KIRREL3: variants seen among roughly 807,000 people sequenced by gnomAD.
KIRREL3 encodes the protein kirre like nephrin family adhesion molecule 3, also known as kin of IRRE-like protein 3.
KIRREL3 carries 36 observed loss-of-function variants against 89.7 expected under a neutral mutation model. The ratio of observed to expected loss-of-function variants is 0.40; its 90% CI spans 0.31 to 0.53. The LOEUF (loss-of-function observed/expected upper bound fraction) is 0.53. KIRREL3 is among the 20% of genes least tolerant of loss of function. The pLI is 0.49. For synonymous variants in KIRREL3, 445 were observed against 441.4 expected (o/e 1.01, Z -0.10); for missense variants, 864 against 1,056.6 (o/e 0.82, Z 2.53).
At chr11:126,603,736 G>A (rs1942764413) in intron 1 of KIRREL3, among the ~76,000 whole-genome samples, 1 of 152,262 alleles carries the variant, frequency 6.6e-6, no homozygotes, top group East Asian at 1.9e-4. Context: ...CTGGGCAGGT[G>A]TGCTGGGGCT....
chr11:126,630,493 T>C (rs1054748677), intron 1 of KIRREL3, among the ~76,000 whole-genome samples: 1 of 152,228 alleles, frequency 6.6e-6, no homozygotes, highest in African/African-American at 2.4e-5. Flanking sequence ...AGACCTGGCT[T>C]CAAGGATCTT....
intron 1 of KIRREL3, among the ~76,000 whole-genome samples, chr11:126,731,103 G>A (rs1318170018): frequency 1.3e-5 from 2 of 152,154 alleles, no homozygotes; most frequent in Non-Finnish European, 2.9e-5. Flanking sequence ...CACTCTCTTT[G>A]CTGCCTCCTG....
intron 1 of KIRREL3, among the ~76,000 whole-genome samples, chr11:126,857,724 T>A (rs1342793927): frequency 7.0e-6 from 1 of 142,070 alleles, no homozygotes; most frequent in African/African-American, 2.6e-5. Flanking sequence ...CACAGACCCT[T>A]CCTTGCCTGA....
intron 1 of KIRREL3, among the ~76,000 whole-genome samples, chr11:126,818,617 TAG>T (rs1565323975): frequency 2.7e-4 from 18 of 67,850 alleles, no homozygotes; most frequent in African/African-American, 6.0e-4. Context: ...GTAGTAGTAG[TAG>T]TAGTAGTGTG....
intron 1 of KIRREL3, among the ~76,000 whole-genome samples, chr11:126,800,946 T>A (rs917963728): frequency 6.6e-6 from 1 of 152,016 alleles, no homozygotes; most frequent in Non-Finnish European, 1.5e-5. Context: ...CTGTTGGAGG[T>A]TGGTGAGGGA....
chr11:126,968,784 C>G (rs1193302773), intron 1 of KIRREL3, among the ~76,000 whole-genome samples: 1 of 152,132 alleles, frequency 6.6e-6, no homozygotes, highest in Non-Finnish European at 1.5e-5. Context: ...AAATCAGGAA[C>G]TCTACAGGAT....
At chr11:126,465,783 C>G (rs541958623) in intron 5 of KIRREL3, among the ~76,000 whole-genome samples, 1 of 152,272 alleles carries the variant, frequency 6.6e-6, no homozygotes, top group Non-Finnish European at 1.5e-5. Context: ...GAACCCCAAG[C>G]CAAAGCCCGG....
At chr11:126,672,002 C>T (rs2135061112) in intron 1 of KIRREL3, among the ~76,000 whole-genome samples, 1 of 152,326 alleles carries the variant, frequency 6.6e-6, no homozygotes, top group Middle Eastern at 3.4e-3. Flanking sequence ...TACTTGCAAT[C>T]ATCAAAACTG....
At chr11:126,921,816 TCTTCCTGC>T (rs1467808264) in intron 1 of KIRREL3, among the ~76,000 whole-genome samples, 1 of 151,490 alleles carries the variant, frequency 6.6e-6, no homozygotes, top group Non-Finnish European at 1.5e-5. Context: ...CATCCACCTA[TCTTCCTGC>T]CTTCCTATCT....
intron 1 of KIRREL3, among the ~76,000 whole-genome samples, chr11:126,915,848 G>A (rs1273355530): frequency 6.6e-6 from 1 of 152,046 alleles, no homozygotes; most frequent in Non-Finnish European, 1.5e-5. Context: ...TAACAGATCT[G>A]AACCTAGTCT....
intron 1 of KIRREL3, among the ~76,000 whole-genome samples, chr11:126,604,314 TC>T (rs1439757004): frequency 1.3e-5 from 2 of 152,226 alleles, no homozygotes; most frequent in Non-Finnish European, 2.9e-5. Context: ...GGCATTCTGT[TC>T]CTAAGCTAGG....
rs551172114 is a variant in KIRREL3 at position 126,564,196 on chromosome 11, G to A, written c.56-1284C>T. Among the ~76,000 whole-genome samples, 41 of 152,290 alleles carry A rather than the reference G, an allele frequency of 2.7e-4. No homozygotes were observed. The South Asian group carries it at 3.3e-3, about 12-fold the overall frequency. On this transcript the variant is annotated intron_variant, in intron 1 of 16. Coordinates refer to ENST00000525144, the MANE Select transcript of KIRREL3 (RefSeq NM_032531.4). The surrounding 1 kb of genome is among the most constrained non-coding windows in gnomAD (Gnocchi z 7.4). Reference sequence around the variant, plus strand: ...GATGCATCACAGCACCTTCTCCCACGACACCGACTGCCTCCCTGAACCCAG... The same window carrying A: ...GATGCATCACAGCACCTTCTCCCACAACACCGACTGCCTCCCTGAACCCAG...
At chr11:126,804,373 A>G (rs1405007440) in intron 1 of KIRREL3, among the ~76,000 whole-genome samples, 1 of 152,224 alleles carries the variant, frequency 6.6e-6, no homozygotes, top group Non-Finnish European at 1.5e-5. Flanking sequence ...TTTACTTTGT[A>G]CAAATAAGTG....
intron 1 of KIRREL3, among the ~76,000 whole-genome samples, chr11:126,787,235 A>G (rs1438658374): frequency 2.0e-5 from 3 of 152,182 alleles, no homozygotes; most frequent in Non-Finnish European, 2.9e-5. Flanking sequence ...CTCTTCCCCT[A>G]TGGCACAAAT....
At chr11:126,915,215 T>C (rs1946990915) in intron 1 of KIRREL3, among the ~76,000 whole-genome samples, 1 of 152,244 alleles carries the variant, frequency 6.6e-6, no homozygotes, top group Admixed American at 6.5e-5. Context: ...TTCATCAGTA[T>C]GTTTCTGATT....
rs1950370423 is a variant in KIRREL3, at chr11:126,782,855, C to G, written c.55+217600G>C. Among the ~76,000 whole-genome samples, 1 of 152,090 alleles carries G rather than the reference C, an allele frequency of 6.6e-6. No homozygotes were observed. The highest frequency in any genetic ancestry group is 2.4e-5 in the African/African-American group (1 of 41,358). On this transcript the variant is annotated intron_variant, in intron 1 of 16. Transcript: ENST00000525144. This position sits in a 1 kb window ranked among gnomAD's most constrained non-coding sequence, Gnocchi z 4.1. The stretch of plus-strand genomic sequence containing the variant: ...ATCTCCTGAGAAAGCCTACTAGCAA[C>G]AACATTACAGTAGCAACAAGCACAC...
At chr11:127,002,820 A>G (rs1950337758), upstream of KIRREL3, 2 of 152,196 alleles carry the variant, frequency 1.3e-5, no homozygotes, top group African/African-American at 4.8e-5. Context: ...CCCCCGAGGG[A>G]ACTATTACAA....
Position 126,486,246 on chromosome 11 carries a change from AG to A in KIRREL3, c.434-12781del, listed in dbSNP as rs1344595288. On this transcript the variant is annotated intron_variant, in intron 4 of 16. Coordinates refer to ENST00000525144, the MANE Select transcript of KIRREL3 (RefSeq NM_032531.4). This position sits in a 1 kb window ranked among gnomAD's most constrained non-coding sequence, Gnocchi z 6.2. Reference sequence around the variant, plus strand: ...CTACGTGGCCGCCGTCTGCACAGCAAGGGTGAGAGGGCTTGGGAGAGGCCAG... The same window carrying A: ...CTACGTGGCCGCCGTCTGCACAGCAAGGTGAGAGGGCTTGGGAGAGGCCAG... 6.6e-6 allele frequency among the ~76,000 whole-genome samples: 1 copy of A among 152,130 alleles called. No homozygotes were observed. Among genetic ancestry groups the A allele is most frequent in the Non-Finnish European group, 1.5e-5 (1 of 68,012 alleles).
chr11:126,865,471 G>T (rs1054642264), intron 1 of KIRREL3, among the ~76,000 whole-genome samples: 1 of 152,204 alleles, frequency 6.6e-6, no homozygotes, highest in Non-Finnish European at 1.5e-5. Flanking sequence ...TCGGGTTATC[G>T]AAGCAACAAT....
Sources: gnomAD v4.1 joint callset for allele counts (sites outside exome capture counted in the v4.1 genomes callset) on GRCh38, gnomAD v4.1.1 for gene constraint, Gnocchi (gnomAD v3.1) non-coding constraint, MANE v1.5 for transcripts, NCBI Gene and HGNC (gene_info 2026-07-23, HGNC 2026-07-21) for gene names.